CCNB3: variants seen among roughly 807,000 people sequenced by gnomAD.
The protein encoded by CCNB3 is cyclin B3, also known as G2/mitotic-specific cyclin-B3.
In CCNB3, 12 loss-of-function variants were observed where a neutral mutation model predicts 68.0. The ratio of observed to expected loss-of-function variants is 0.18; its 90% CI spans 0.11 to 0.29. The LOEUF is 0.29. Ranked by LOEUF, CCNB3 falls within the 10% of genes least tolerant of loss-of-function variation. The probability of loss-of-function intolerance (pLI) is 1.00; values close to 1 mark genes in which losing one functional copy is unlikely to be tolerated. For synonymous variants in CCNB3, 354 were observed against 388.9 expected (o/e 0.91, Z 1.06); for missense variants, 904 against 993.1 (o/e 0.91, Z 1.21).
chrX:50,331,889 C>T (rs1247211535), intron 8 of CCNB3, among the ~76,000 whole-genome samples: 1 of 111,333 alleles, frequency 9.0e-6, no homozygotes, highest in Non-Finnish European at 1.9e-5. Context: ...TGGTTATTAC[C>T]AGCTCTAAGG....
At chrX:50,279,461 TAA>T (rs1475430382) in intron 1 of CCNB3, among the ~76,000 whole-genome samples, 1 of 77,666 alleles carries the variant, frequency 1.3e-5, no homozygotes, top group Non-Finnish European at 2.4e-5. Flanking sequence ...TAAATATATA[TAA>T]ATATATAAAT....
chrX:50,328,560 C>T (rs1922416035), intron 8 of CCNB3, among the ~76,000 whole-genome samples: 1 of 111,649 alleles, frequency 9.0e-6, no homozygotes, highest in Non-Finnish European at 1.9e-5. Flanking sequence ...CCAGGCCCCA[C>T]CTCCAACACT....
In CCNB3 at chrX:50,324,306, C is replaced by G. The variant is rs782032783; in HGVS notation, c.3516+10358C>G. Among the ~76,000 whole-genome samples the G allele has an allele frequency of 5.9e-3, 659 of 112,173 alleles. 7 individuals are homozygous for G. Among genetic ancestry groups the G allele is most frequent in the African/African-American group, 0.02 (616 of 30,942 alleles). ...AAATGATCCACCCTCTTCGACCTCCCAAAGTGCCAGGATTACAGGTGTGAG... is the reference window on the plus strand; with the variant it reads ...AAATGATCCACCCTCTTCGACCTCCGAAAGTGCCAGGATTACAGGTGTGAG... On this transcript the variant is annotated intron_variant, in intron 8 of 12. Transcript: ENST00000376042.
chrX:50,203,855 C>T (rs903000029), upstream of CCNB3, among the ~76,000 whole-genome samples: 1 of 111,399 alleles, frequency 9.0e-6, no homozygotes, highest in Non-Finnish European at 1.9e-5. Context: ...CATAACCTTG[C>T]GGTAGAAAAT....
At chrX:50,311,579 TTTTTG>T (rs1921457464) in intron 6 of CCNB3, 83 bp downstream of exon 6, 74 of 726,007 alleles carry the variant, frequency 1.0e-4, no homozygotes, top group Middle Eastern at 3.2e-4. Flanking sequence ...TGTTTTTTTT[TTTTTG>T]TTTTTGTTTT....
intron 5 of CCNB3, among the ~76,000 whole-genome samples, chrX:50,306,050 T>C (rs1032932683): frequency 1.9e-5 from 2 of 107,787 alleles, no homozygotes; most frequent in African/African-American, 6.8e-5. Flanking sequence ...ACTCCCAAAG[T>C]ACTGGGATTA....
intron 5 of CCNB3, among the ~76,000 whole-genome samples, chrX:50,298,821 G>T (rs1343787623): frequency 9.0e-6 from 1 of 111,699 alleles, no homozygotes; most frequent in Non-Finnish European, 1.9e-5. Context: ...TCTGTTATTT[G>T]TCTATTCAGA....
chrX:50,329,137 C>T (rs1922448563), intron 8 of CCNB3, among the ~76,000 whole-genome samples: 1 of 111,709 alleles, frequency 9.0e-6, no homozygotes, highest in Non-Finnish European at 1.9e-5. Flanking sequence ...GCTCAGGATG[C>T]AAGCTGCCCA....
At chrX:50,280,147 A>G (rs1287840268) in intron 1 of CCNB3, among the ~76,000 whole-genome samples, 1 of 92,832 alleles carries the variant, frequency 1.1e-5, no homozygotes, top group Non-Finnish European at 2.0e-5. Context: ...AAAAATATAT[A>G]TAGAATATAT....
chrX:50,326,418 T>A (rs1361532848), intron 8 of CCNB3, among the ~76,000 whole-genome samples: 1 of 112,002 alleles, frequency 8.9e-6, no homozygotes, highest in African/African-American at 3.2e-5. Flanking sequence ...CTCAGATAAA[T>A]TTTTATCTTT....
intron 1 of CCNB3, among the ~76,000 whole-genome samples, chrX:50,227,693 A>G (rs1456152764): frequency 6.2e-5 from 6 of 96,535 alleles, no homozygotes; most frequent in African/African-American, 2.2e-4. Flanking sequence ...ATATAAATAT[A>G]TATAGAGAGA....
chrX:50,222,816 T>C (rs982452206), intron 1 of CCNB3, among the ~76,000 whole-genome samples: 2 of 111,518 alleles, frequency 1.8e-5, no homozygotes, highest in Middle Eastern at 4.2e-3. Flanking sequence ...TGGCCTGTCT[T>C]GCTAGGTTGG....
intron 8 of CCNB3, among the ~76,000 whole-genome samples, chrX:50,336,399 C>T (rs1216784637): frequency 3.6e-5 from 4 of 112,101 alleles, no homozygotes; most frequent in African/African-American, 1.3e-4. Flanking sequence ...GCCTTCCTTA[C>T]GGCTTTCTCT....
At chrX:50,339,852 G>T (rs1173689026) in intron 8 of CCNB3, among the ~76,000 whole-genome samples, 2 of 110,807 alleles carry the variant, frequency 1.8e-5, no homozygotes, top group Admixed American at 9.6e-5. Context: ...ACTCACTATT[G>T]CCAGAACAGC....
At chrX:50,217,319 G>A (rs1322782432) in intron 1 of CCNB3, among the ~76,000 whole-genome samples, 1 of 91,135 alleles carries the variant, frequency 1.1e-5, no homozygotes, top group Non-Finnish European at 2.1e-5. Flanking sequence ...TGTGGCCCAG[G>A]CTGGAGGGCA....
intron 4 of CCNB3, 63 bp downstream of exon 4, chrX:50,288,950 G>C: frequency 1.3e-6 from 1 of 746,841 alleles, no homozygotes; most frequent in South Asian, 2.7e-5. Flanking sequence ...GCTGTTTCTT[G>C]AGGGACCTTT....
chrX:50,329,063 T>C (rs1437634643), intron 8 of CCNB3, among the ~76,000 whole-genome samples: 1 of 112,552 alleles, frequency 8.9e-6, no homozygotes, highest in Non-Finnish European at 1.9e-5. Flanking sequence ...CCCTGTGACT[T>C]TATGGGGTTC....
At position 50,223,659 on chromosome X, in the gene CCNB3, G is replaced by A. The variant is rs1023271359; in HGVS notation, c.-113+18709G>A. On this transcript the variant is annotated intron_variant, in intron 1 of 12. Transcript: ENST00000376042. ...GAAAGCTTCGTCCCAGAGGGGCACC[G>A]ACCAGATGCCAGCCAGAGCTCTCCT... Among the ~76,000 whole-genome samples, 6 of 112,241 alleles carry A rather than the reference G, an allele frequency of 5.3e-5. No individual in the cohort carries two copies. The South Asian group carries it at 1.1e-3, about 21-fold the overall frequency.
At chrX:50,220,893 C>T (rs938293435) in intron 1 of CCNB3, among the ~76,000 whole-genome samples, 7 of 111,282 alleles carry the variant, frequency 6.3e-5, no homozygotes, top group South Asian at 3.8e-4. Flanking sequence ...GTTGTGAATC[C>T]GTCTGGTCCT....
Sources: gnomAD v4.1 joint callset for allele counts (sites outside exome capture counted in the v4.1 genomes callset) on GRCh38, gnomAD v4.1.1 for gene constraint, MANE v1.5 for transcripts, NCBI Gene and HGNC (gene_info 2026-07-23, HGNC 2026-07-21) for gene names.